The following CCK variants were observed in gnomAD, a reference collection of about 807,000 sequenced individuals.
CCK encodes the protein cholecystokinin triacontatriapeptide.
CCK carries 11 observed loss-of-function variants against 10.1 expected under a neutral mutation model. That is an observed-to-expected ratio of 1.09 (90% CI 0.69 to 1.81). The LOEUF (loss-of-function observed/expected upper bound fraction) is 1.81. Among genes scored for constraint, CCK ranks in the 40% most tolerant of loss-of-function variants. The probability of loss-of-function intolerance (pLI) is 0.00; values close to 1 mark genes in which losing one functional copy is unlikely to be tolerated. For synonymous variants in CCK, 83 were observed against 71.9 expected (o/e 1.15, Z -0.78); for missense variants, 137 against 159.9 (o/e 0.86, Z 0.77).
At position 42,258,086 on chromosome 3, in the gene CCK, C is replaced by A. The variant is rs752517620; in HGVS notation, c.*12G>T. On this transcript the variant is annotated 3_prime_UTR_variant, in exon 5 of 5. Coordinates refer to ENST00000396169, the MANE Select transcript of CCK (RefSeq NM_000729.6). ...AGGTTGCTTCCCGTTGGGCTGATGG[C>A]GGCTGGGTCCTCTAGGAGGGGTACT... is the stretch of plus-strand genomic sequence containing the variant. The A allele has an allele frequency of 1.9e-6, 3 of 1,605,496 alleles. No individual in the cohort carries two copies. In the South Asian group the frequency reaches 3.4e-5, roughly 18 times the overall value.
chr3:42,263,331 C>T (rs1175113535), intron 4 of CCK, 86 bp downstream of exon 4: 2 of 1,596,740 alleles, frequency 1.3e-6, no homozygotes, highest in Non-Finnish European at 8.6e-7. Flanking sequence ...AGGTCATCCC[C>T]ATCAGGCTAG....
chr3:42,263,198 A>C (rs1711239581), intron 4 of CCK: 1 of 680,716 alleles, frequency 1.5e-6, no homozygotes, highest in African/African-American at 1.8e-5. Context: ...ACACTGCTAA[A>C]AATTAGTTCA....
chr3:42,260,721 A>T (rs1026895402), intron 4 of CCK, among the ~76,000 whole-genome samples: 3 of 152,250 alleles, frequency 2.0e-5, no homozygotes, highest in Non-Finnish European at 4.4e-5. Flanking sequence ...GACTGTCTGC[A>T]TGTCACTCAG....
At chr3:42,262,578 C>T (rs916429850) in intron 4 of CCK, among the ~76,000 whole-genome samples, 4 of 152,188 alleles carry the variant, frequency 2.6e-5, no homozygotes, top group Non-Finnish European at 5.9e-5. Context: ...GCTCCACAGC[C>T]GGTGTTCATC....
intron 4 of CCK, among the ~76,000 whole-genome samples, chr3:42,258,577 T>C (rs954877284): frequency 2.0e-5 from 3 of 152,306 alleles, no homozygotes; most frequent in African/African-American, 7.2e-5. Context: ...TAGATGGGTG[T>C]TTTCCTTTTG....
chr3:42,261,755 C>T (rs976799918), intron 4 of CCK, among the ~76,000 whole-genome samples: 1 of 152,028 alleles, frequency 6.6e-6, no homozygotes, highest in Non-Finnish European at 1.5e-5. Flanking sequence ...TCCAGGTCCA[C>T]AGTTAAATGA....
At chr3:42,262,447 T>C (rs558532187) in intron 4 of CCK, among the ~76,000 whole-genome samples, 6 of 152,302 alleles carry the variant, frequency 3.9e-5, no homozygotes, top group African/African-American at 1.4e-4. Flanking sequence ...CTCGAACTCC[T>C]GACCTCATGT....
At chr3:42,261,652 A>T (rs1057177071) in intron 4 of CCK, among the ~76,000 whole-genome samples, 2 of 151,320 alleles carry the variant, frequency 1.3e-5, no homozygotes, top group Non-Finnish European at 2.9e-5. Context: ...TTTGGAACCA[A>T]GACTCAATTC....
At chr3:42,258,748 G>A (rs181320602) in intron 4 of CCK, among the ~76,000 whole-genome samples, 23 of 152,250 alleles carry the variant, frequency 1.5e-4, no homozygotes, top group Admixed American at 6.5e-4. Context: ...AAAAAAAATC[G>A]TTGGTGGGAG....
chr3:42,260,652 G>A (rs558465022), intron 4 of CCK, among the ~76,000 whole-genome samples: 8 of 152,264 alleles, frequency 5.3e-5, no homozygotes, highest in South Asian at 4.2e-4. Flanking sequence ...AGAGATGGAC[G>A]GGCCTCCCTC....
intron 4 of CCK, among the ~76,000 whole-genome samples, chr3:42,262,755 G>A (rs1711234891): frequency 6.6e-6 from 1 of 152,082 alleles, no homozygotes; most frequent in African/African-American, 2.4e-5. Context: ...ATGCCACTCG[G>A]CTAGTGAGCT....
In CCK at chr3:42,265,960, C is replaced by G. The variant is rs1305164019; in HGVS notation, c.-659G>C. 1 of 152,208 alleles carries G rather than the reference C, an allele frequency of 6.6e-6. No individual in the cohort carries two copies. Among genetic ancestry groups the G allele is most frequent in the Non-Finnish European group, 1.5e-5 (1 of 68,110 alleles). The allele number at this position is 152,208 out of a possible 1,614,324, so 9.4% of individuals were successfully genotyped here. A position where few individuals can be genotyped will look rare whatever the true frequency, so the allele number is the denominator to read the frequency against. Reference sequence around the variant, plus strand: ...CCATTTCACAGACCGCAAACCGAGGCGCGAGGAAGAGCAGCGCCTTGCCAA... The same window carrying G: ...CCATTTCACAGACCGCAAACCGAGGGGCGAGGAAGAGCAGCGCCTTGCCAA... On this transcript the variant is annotated 5_prime_UTR_variant, in exon 1 of 5. Coordinates refer to ENST00000396169, the MANE Select transcript of CCK (RefSeq NM_000729.6).
chr3:42,258,228 G>A lies in CCK; in HGVS notation c.218C>T (p.Pro73Leu). 6.2e-7 allele frequency: 1 copy of A among 1,613,146 alleles called. No homozygotes were observed. The highest frequency in any genetic ancestry group is 1.1e-5 in the South Asian group (1 of 90,838). ...ARYIQQARKAPSGRMSIVKNL... is the reference protein window; with the variant it reads ...ARYIQQARKALSGRMSIVKNL... ...CTTAACGATGGACATTCGTCCAGAA[G>A]GAGCTACAAGGAGCAGGGAGGAAGG... Residue 73 changes from proline to leucine, a missense_variant, in exon 5 of 5, where the codon CCT (proline) becomes CTT (leucine). Transcript: ENST00000396169.
chr3:42,260,042 G>T (rs183372108), intron 4 of CCK, among the ~76,000 whole-genome samples: 15 of 152,258 alleles, frequency 9.9e-5, no homozygotes, highest in Admixed American at 9.8e-4. Context: ...GTTGATAAAT[G>T]AAAATGCAAA....
In CCK at chr3:42,263,504, G is replaced by A; in HGVS notation, c.127C>T (p.Gln43Ter). Reference protein sequence around the residue: ...LQRAEEAPRRQLRVSQRTDGE... With the variant: ...LQRAEEAPRR ...TCCGTTCTCTGCGATACCCTCAGCTGCCTACGGGGCGCCTCCTCTGCCCGC... is the reference window on the plus strand; with the variant it reads ...TCCGTTCTCTGCGATACCCTCAGCTACCTACGGGGCGCCTCCTCTGCCCGC... Residue 43 changes from glutamine (Q) to a stop codon, truncating the protein, a stop_gained, in exon 4 of 5, where the codon CAG (glutamine) becomes TAG (stop). Transcript: ENST00000396169. LOFTEE classifies it high-confidence loss of function. 1 of 1,614,024 alleles carries A rather than the reference G, an allele frequency of 6.2e-7. No homozygotes were observed. Among genetic ancestry groups the A allele is most frequent in the Non-Finnish European group, 8.5e-7 (1 of 1,179,982 alleles).
chr3:42,259,010 G>A (rs931619460), intron 4 of CCK, among the ~76,000 whole-genome samples: 22 of 152,154 alleles, frequency 1.4e-4, no homozygotes, highest in African/African-American at 4.1e-4. Context: ...ACACCATGGA[G>A]TACTATGCAG....
intron 4 of CCK, among the ~76,000 whole-genome samples, chr3:42,261,025 G>C (rs1711203096): frequency 6.6e-6 from 1 of 152,132 alleles, no homozygotes; most frequent in Non-Finnish European, 1.5e-5. Context: ...TCACTGTGCA[G>C]GGCTGTTGTA....
intron 4 of CCK, 63 bp from the exon 5 acceptor site, chr3:42,258,294 TG>T: frequency 6.4e-7 from 1 of 1,563,698 alleles, no homozygotes; most frequent in Non-Finnish European, 8.7e-7. Flanking sequence ...TAGTTCAATT[TG>T]GGAAGGAGAG....
chr3:42,266,021 C>T lies in CCK; in HGVS notation c.-720G>A, dbSNP rs912955427. Reference sequence around the variant, plus strand: ...CACGCCCCTCGCCCTCTCCGTGCACCGAGGCCGCCCAGCCTGGGACCTGGA... The same window carrying T: ...CACGCCCCTCGCCCTCTCCGTGCACTGAGGCCGCCCAGCCTGGGACCTGGA... On this transcript the variant is annotated 5_prime_UTR_variant, in exon 1 of 5. Transcript: ENST00000396169. The T allele has an allele frequency of 6.6e-6, 1 of 152,348 alleles. No homozygotes were observed. The highest frequency in any genetic ancestry group is 2.4e-5 in the African/African-American group (1 of 41,450). The allele number at this position is 152,348 out of a possible 1,614,324, so 9.4% of individuals were successfully genotyped here.
Sources: allele counts gnomAD v4.1 joint callset (sites outside exome capture counted in the v4.1 genomes callset), GRCh38; gene constraint gnomAD v4.1.1; transcripts MANE v1.5; gene names NCBI Gene and HGNC (gene_info 2026-07-23, HGNC 2026-07-21).